Variants in ADGRG2 observed in about 807,000 individuals in gnomAD.
ADGRG2 encodes the protein adhesion G protein-coupled receptor G2, also known as G protein-coupled receptor 64.
ADGRG2 carries 26 observed loss-of-function variants against 74.1 expected under a neutral mutation model. The observed-to-expected ratio is 0.35, with a 90% CI of 0.26 to 0.49. The LOEUF (loss-of-function observed/expected upper bound fraction) is 0.49. Ranked by LOEUF, ADGRG2 falls within the 20% of genes least tolerant of loss-of-function variation. ADGRG2 has a pLI of 0.99. For synonymous variants in ADGRG2, 296 were observed against 295.2 expected (o/e 1.00, Z -0.03); for missense variants, 619 against 763.1 (o/e 0.81, Z 2.22).
At chrX:18,994,777 C>T (rs2059986263) in intron 28 of ADGRG2, 119 bp downstream of exon 28, 4 of 409,534 alleles carry the variant, frequency 9.8e-6, no homozygotes, top group Non-Finnish European at 1.6e-5. Context: ...CATTTTGATC[C>T]ACTAGTCATA....
intron 2 of ADGRG2, among the ~76,000 whole-genome samples, chrX:19,071,537 T>C (rs1014917603): frequency 8.9e-6 from 1 of 111,899 alleles, no homozygotes; most frequent in Non-Finnish European, 1.9e-5. Flanking sequence ...GTGCTTATTG[T>C]ACATAATTCC....
chrX:18,991,001 C>A lies in ADGRG2; in HGVS notation c.2917G>T (p.Gly973Ter). Residue 973 changes from glycine (G) to a stop codon, truncating the protein, a stop_gained, in exon 29 of 29, where the codon GGA becomes TGA. Coordinates refer to ENST00000379869, the MANE Select transcript of ADGRG2 (RefSeq NM_001079858.3). LOFTEE classifies it high-confidence loss of function. ...GTGAAATCGTGAAGGCACACATCTC[C>A]ATTCTGAACACTAAAAGAGACCCCA... is the stretch of plus-strand genomic sequence containing the variant. ...RNGVSFSVQN[G>*]DVCLHDFTGK... 1 of 1,201,467 alleles carries A rather than the reference C, an allele frequency of 8.3e-7. No individual in the cohort carries two copies. Among genetic ancestry groups the A allele is most frequent in the Non-Finnish European group, 1.1e-6 (1 of 887,373 alleles).
chrX:18,999,252 G>C lies in ADGRG2; in HGVS notation c.2358C>G (p.Phe786Leu). The change falls in exon 26 of 29, where the codon TTC becomes TTG. Residue 786 changes from phenylalanine to leucine, a missense_variant. Physicochemically the swap from Phe to Leu is conservative, Grantham distance 22. Transcript: ENST00000379869. The stretch of plus-strand genomic sequence containing the variant: ...AGAAATATCCCACCACCGTAATGTA[G>C]AATACTGCATTGTTGTTGATCCAGC... ...DFCWINNNAV[F>L]YITVVGYFCV... The C allele has an allele frequency of 8.3e-7, 1 of 1,204,894 alleles. No homozygotes were observed. Among genetic ancestry groups the C allele is most frequent in the Non-Finnish European group, 1.1e-6 (1 of 891,304 alleles).
intron 1 of ADGRG2, among the ~76,000 whole-genome samples, chrX:19,114,507 T>C (rs192930767): frequency 1.7e-4 from 19 of 111,166 alleles, no homozygotes; most frequent in Admixed American, 5.7e-4. Flanking sequence ...TCAGAACCAC[T>C]GTGCCACGGC....
At chrX:19,099,720 C>T (rs773373129) in intron 1 of ADGRG2, among the ~76,000 whole-genome samples, 1 of 112,011 alleles carries the variant, frequency 8.9e-6, no homozygotes, top group East Asian at 2.8e-4. Context: ...AAGTAGAAAA[C>T]GCACCAGCTT....
chrX:19,102,986 G>C (rs900765008), intron 1 of ADGRG2, among the ~76,000 whole-genome samples: 7 of 111,672 alleles, frequency 6.3e-5, no homozygotes, highest in Admixed American at 1.9e-4. Flanking sequence ...ATTTGAGCCA[G>C]AGTGACTCCA....
chrX:19,106,781 G>A (rs1602130185), intron 1 of ADGRG2, among the ~76,000 whole-genome samples: 1 of 109,732 alleles, frequency 9.1e-6, no homozygotes, highest in African/African-American at 3.3e-5. Context: ...TAGCTGGGCG[G>A]TGGTGGCGGG....
rs2060579791 is a variant in ADGRG2 at position 19,021,120 on chromosome X, T to C, written c.627A>G (p.Val209=). 1 of 1,074,625 alleles carries C rather than the reference T, an allele frequency of 9.3e-7. No homozygotes were observed. The highest frequency in any genetic ancestry group is 1.3e-6 in the Non-Finnish European group (1 of 771,362). 88.6% of individuals were successfully genotyped at this position (1,074,625 alleles called of 1,213,427 possible). ...ACAVIAALER[V]KIRPMEHCCC... ...ACAACTTACCCATTGGTCGAATCTT[T>C]ACTCTTTCCAAAGCAGCTATTACAG... The change falls in exon 14 of 29, where the codon GTA becomes GTG. Residue 209 remains valine, a synonymous_variant. Coordinates refer to ENST00000379869, the MANE Select transcript of ADGRG2 (RefSeq NM_001079858.3).
intron 1 of ADGRG2, among the ~76,000 whole-genome samples, chrX:19,103,019 A>C (rs762181968): frequency 2.7e-5 from 3 of 111,256 alleles, no homozygotes; most frequent in Non-Finnish European, 3.8e-5. Context: ...ACTGGGTAAA[A>C]TAAGGCTGAG....
intron 2 of ADGRG2, among the ~76,000 whole-genome samples, chrX:19,074,791 G>A (rs917581462): frequency 8.4e-5 from 9 of 106,758 alleles, no homozygotes; most frequent in Non-Finnish European, 1.5e-4. Flanking sequence ...GGCTAGTCTC[G>A]AACTCCTGAC....
intron 22 of ADGRG2, 131 bp downstream of exon 22, chrX:19,005,871 G>A: frequency 4.1e-6 from 2 of 489,917 alleles, no homozygotes; most frequent in Non-Finnish European, 3.7e-6. Flanking sequence ...TCTCATTGGT[G>A]TATAAATCAG....
chrX:19,101,310 T>TA (rs999514520), intron 1 of ADGRG2, among the ~76,000 whole-genome samples: 2 of 111,069 alleles, frequency 1.8e-5, no homozygotes, highest in Non-Finnish European at 3.8e-5. Flanking sequence ...AATGTGAAAG[T>TA]AAAAAACACA....
At chrX:19,024,216 G>C (rs1332759584) in intron 11 of ADGRG2, among the ~76,000 whole-genome samples, 1 of 111,653 alleles carries the variant, frequency 9.0e-6, no homozygotes, top group South Asian at 3.8e-4. Flanking sequence ...TTATTCATTA[G>C]GCTACTGCAG....
intron 1 of ADGRG2, among the ~76,000 whole-genome samples, chrX:19,089,239 C>A (rs961993002): frequency 1.8e-5 from 2 of 111,167 alleles, no homozygotes; most frequent in Admixed American, 1.9e-4. Context: ...AGTTTCTAGC[C>A]CCTCCCTTTT....
intron 3 of ADGRG2, among the ~76,000 whole-genome samples, chrX:19,050,284 C>T (rs1201156585): frequency 9.0e-6 from 1 of 111,159 alleles, no homozygotes; most frequent in African/African-American, 3.3e-5. Context: ...TCCAAGTCTC[C>T]CTCCCCAACA....
At chrX:19,030,376 T>C (rs2060800821) in intron 9 of ADGRG2, among the ~76,000 whole-genome samples, 1 of 112,227 alleles carries the variant, frequency 8.9e-6, no homozygotes, top group Non-Finnish European at 1.9e-5. Flanking sequence ...GTCTGGCCCA[T>C]GGCAGAAGGG....
intron 11 of ADGRG2, among the ~76,000 whole-genome samples, chrX:19,024,554 G>A (rs1015581599): frequency 9.8e-5 from 11 of 112,503 alleles, no homozygotes; most frequent in African/African-American, 3.6e-4. Context: ...TTCTCAAACA[G>A]GGGAGAGTCT....
intron 11 of ADGRG2, among the ~76,000 whole-genome samples, chrX:19,026,640 C>T (rs997576063): frequency 1.1e-4 from 12 of 110,451 alleles, no homozygotes; most frequent in Admixed American, 1.9e-4. Context: ...GGATTACAGG[C>T]GCCCACCACC....
chrX:19,103,013 G>C (rs778867193), intron 1 of ADGRG2, among the ~76,000 whole-genome samples: 4 of 111,268 alleles, frequency 3.6e-5, no homozygotes, highest in African/African-American at 1.3e-4. Context: ...ATAGGGACTG[G>C]GTAAAATAAG....
Sources: gnomAD v4.1 joint callset for allele counts (sites outside exome capture counted in the v4.1 genomes callset) on GRCh38, gnomAD v4.1.1 for gene constraint, MANE v1.5 for transcripts, NCBI Gene and HGNC (gene_info 2026-07-23, HGNC 2026-07-21) for gene names.